FOXP2: variants seen among roughly 807,000 people sequenced by gnomAD.
The protein encoded by FOXP2 is forkhead box protein P2.
In FOXP2, 12 loss-of-function variants were observed where a neutral mutation model predicts 115.8. The ratio of observed to expected loss-of-function variants is 0.10; its 90% confidence interval spans 0.07 to 0.17. The LOEUF is 0.17. Ranked by LOEUF, FOXP2 falls within the 10% of genes least tolerant of loss-of-function variation. The probability of loss-of-function intolerance (pLI) is 1.00; values close to 1 mark genes in which losing one functional copy is unlikely to be tolerated. For synonymous variants in FOXP2, 328 were observed against 297.7 expected, an observed-to-expected ratio of 1.10 and a Z score of -1.05; for missense variants, 629 against 843.5, an observed-to-expected ratio of 0.75 and a Z score of 3.15.
At chr7:114,163,075 C>T (rs1223918620) in exon 1 of FOXP2, 1 of 152,134 alleles carries the variant, frequency 6.6e-6, no homozygotes, top group African/African-American at 2.4e-5. Context: ...GAATTAAAGT[C>T]TAACTCTCCA....
At chr7:114,323,528 G>C (rs923882412) in intron 2 of FOXP2, among the ~76,000 whole-genome samples, 3 of 151,846 alleles carry the variant, frequency 2.0e-5, no homozygotes, top group African/African-American at 7.2e-5. Context: ...ACTAGGAAAA[G>C]GTAATCATTC....
At chr7:114,237,255 TGTTGAAG>T (rs1397940175) in intron 1 of FOXP2, among the ~76,000 whole-genome samples, 5 of 152,188 alleles carry the variant, frequency 3.3e-5, no homozygotes, top group Admixed American at 2.0e-4. Context: ...TCAGATAAAG[TGTTGAAG>T]GTACAATATG....
At chr7:114,497,305 T>C (rs1797362994) in intron 2 of FOXP2, among the ~76,000 whole-genome samples, 1 of 152,128 alleles carries the variant, frequency 6.6e-6, no homozygotes, top group Non-Finnish European at 1.5e-5. Context: ...TTTTAAAATT[T>C]TGGGGTCGAA....
chr7:114,421,386 CA>C (rs1260517475), intron 1 of FOXP2, among the ~76,000 whole-genome samples: 1 of 151,454 alleles, frequency 6.6e-6, no homozygotes, highest in Non-Finnish European at 1.5e-5. Context: ...GAAGATCTAA[CA>C]GTATTATCTT....
At chr7:114,659,509 G>T in intron 12 of FOXP2, 63 bp from the exon 13 acceptor site, 10 of 1,572,464 alleles carry the variant, frequency 6.4e-6, no homozygotes, top group South Asian at 3.3e-5. Context: ...GGATGAGAAA[G>T]TGTCATCTAG....
intron 1 of FOXP2, among the ~76,000 whole-genome samples, chr7:114,140,113 A>C (rs1792163662): frequency 6.6e-6 from 1 of 151,540 alleles, no homozygotes; most frequent in African/African-American, 2.4e-5. Context: ...ACTGTGTTTC[A>C]AAAAAAAATT....
chr7:114,444,286 A>T (rs1454440893), intron 2 of FOXP2, among the ~76,000 whole-genome samples: 1 of 152,112 alleles, frequency 6.6e-6, no homozygotes, highest in Non-Finnish European at 1.5e-5. Flanking sequence ...AGACACAGAC[A>T]AAGGCTGAAA....
intron 2 of FOXP2, among the ~76,000 whole-genome samples, chr7:114,486,173 G>A (rs925954677): frequency 7.9e-5 from 12 of 152,132 alleles, no homozygotes; most frequent in Non-Finnish European, 1.8e-4. Context: ...AGTAAAGGAG[G>A]TTTAATGGAC....
chr7:114,685,621 G>A (rs930765050), intron 16 of FOXP2, among the ~76,000 whole-genome samples: 1 of 152,126 alleles, frequency 6.6e-6, no homozygotes, highest in Non-Finnish European at 1.5e-5. Context: ...TCTATACTGA[G>A]AATTGAGAGA....
intron 2 of FOXP2, among the ~76,000 whole-genome samples, chr7:114,344,271 G>A (rs535966996): frequency 6.6e-6 from 1 of 151,732 alleles, no homozygotes; most frequent in Non-Finnish European, 1.5e-5. Flanking sequence ...AATGACGGGG[G>A]AAGTGGGGTA....
At chr7:114,610,518 T>C (rs1803571026) in intron 3 of FOXP2, among the ~76,000 whole-genome samples, 1 of 152,202 alleles carries the variant, frequency 6.6e-6, no homozygotes, top group South Asian at 2.1e-4. Context: ...TACATGTATA[T>C]ATATCCTTAA....
intron 1 of FOXP2, among the ~76,000 whole-genome samples, chr7:114,146,980 A>T (rs1480546006): frequency 1.3e-5 from 2 of 152,164 alleles, no homozygotes; most frequent in Non-Finnish European, 2.9e-5. Flanking sequence ...CAGTTACAAC[A>T]CCCCTCAAAT....
chr7:114,551,861 C>T (rs1800225134), intron 3 of FOXP2, among the ~76,000 whole-genome samples: 1 of 152,050 alleles, frequency 6.6e-6, no homozygotes. Flanking sequence ...GTAAGGTGGA[C>T]CCTCATACTA....
chr7:114,336,119 G>C (rs918641431), intron 2 of FOXP2, among the ~76,000 whole-genome samples: 2 of 151,662 alleles, frequency 1.3e-5, no homozygotes, highest in Non-Finnish European at 3.0e-5. Flanking sequence ...GCCAGAATTT[G>C]GAAGTGCAGC....
chr7:114,226,033 A>G (rs1253202697), intron 1 of FOXP2, among the ~76,000 whole-genome samples: 3 of 152,180 alleles, frequency 2.0e-5, no homozygotes, highest in Non-Finnish European at 4.4e-5. Context: ...GGTGGTTGTC[A>G]TAGAACACAA....
At chr7:114,353,688 CCTT>C (rs1403697823) in intron 2 of FOXP2, among the ~76,000 whole-genome samples, 4 of 152,072 alleles carry the variant, frequency 2.6e-5, no homozygotes, top group Non-Finnish European at 5.9e-5. Flanking sequence ...GTAAATCACT[CCTT>C]CTTAGAGCAT....
chr7:114,682,583 C>G (rs1808146579), intron 16 of FOXP2, among the ~76,000 whole-genome samples: 1 of 152,054 alleles, frequency 6.6e-6, no homozygotes, highest in Non-Finnish European at 1.5e-5. Flanking sequence ...GAGGAATTTG[C>G]AGAAATGAAC....
intron 2 of FOXP2, among the ~76,000 whole-genome samples, chr7:114,454,345 C>T (rs1395712320): frequency 4.6e-5 from 7 of 151,920 alleles, no homozygotes; most frequent in African/African-American, 1.2e-4. Context: ...GTTAGAATGG[C>T]GATCATTAAA....
chr7:114,643,004 G>C (rs892687969), intron 7 of FOXP2, among the ~76,000 whole-genome samples: 1 of 150,628 alleles, frequency 6.6e-6, no homozygotes, highest in African/African-American at 2.4e-5. Context: ...GTAGAGACGG[G>C]GTTTCACCAT....
Sources: gnomAD v4.1 joint callset for allele counts (sites outside exome capture counted in the v4.1 genomes callset) on GRCh38, gnomAD v4.1.1 for gene constraint, MANE v1.5 for transcripts, NCBI Gene and HGNC (gene_info 2026-07-23, HGNC 2026-07-21) for gene names.